Variants in ATP8B4 observed in about 807,000 individuals in gnomAD.
The protein encoded by ATP8B4 is probable phospholipid-transporting ATPase IM.
In ATP8B4, 133 loss-of-function variants were observed where a neutral mutation model predicts 145.6. The observed-to-expected ratio is 0.91, with a 90% CI of 0.79 to 1.05. The LOEUF is 1.05. Among genes scored for constraint, ATP8B4 ranks in the 50% least tolerant of loss-of-function variants. The probability of loss-of-function intolerance (pLI) is 0.00; values close to 1 mark genes in which losing one functional copy is unlikely to be tolerated. For synonymous variants in ATP8B4, 507 were observed against 492.9 expected (o/e 1.03, Z -0.38); for missense variants, 1,458 against 1,425.2 (o/e 1.02, Z -0.37).
intron 20 of ATP8B4, among the ~76,000 whole-genome samples, chr15:49,901,609 A>C (rs990817416): frequency 6.6e-6 from 1 of 152,188 alleles, no homozygotes; most frequent in African/African-American, 2.4e-5. Context: ...GCTGTTAAAT[A>C]ATGGAAAGCA....
At chr15:49,897,685 AAG>A (rs1000310276) in intron 22 of ATP8B4, among the ~76,000 whole-genome samples, 170 bp from the exon 23 acceptor site, 57 of 152,374 alleles carry the variant, frequency 3.7e-4, no homozygotes, top group African/African-American at 1.3e-3. Flanking sequence ...AGTTTTACAA[AAG>A]AGAAAATCAG....
Position 49,972,588 on chromosome 15 carries a change from T to G in ATP8B4, c.1237A>C (p.Ile413Leu). The change falls in exon 13 of 28, where the codon ATC becomes CTC. Residue 413 changes from isoleucine to leucine, a missense_variant. Ile to Leu is a conservative substitution (Grantham distance 5, BLOSUM62 2). Transcript: ENST00000284509. ...TFKRCSINGR[I>L]YGEVHDDLDQ... The stretch of plus-strand genomic sequence containing the variant: ...AAGGAACTGTTTCTCTTACCATAGA[T>G]TCTCCCATTAATGGAACATCTTTTA... 4 of 1,612,220 alleles carry G rather than the reference T, an allele frequency of 2.5e-6. No homozygotes were observed. Among genetic ancestry groups the G allele is most frequent in the Non-Finnish European group, 3.4e-6 (4 of 1,178,432 alleles).
intron 5 of ATP8B4, among the ~76,000 whole-genome samples, chr15:50,040,672 G>A (rs1488399795): frequency 6.6e-6 from 1 of 152,200 alleles, no homozygotes; most frequent in Non-Finnish European, 1.5e-5. Context: ...CAAAAGCTGA[G>A]CAGCTCACTC....
At chr15:49,955,651 G>A (rs2043494965) in intron 14 of ATP8B4, among the ~76,000 whole-genome samples, 2 of 152,044 alleles carry the variant, frequency 1.3e-5, no homozygotes, top group African/African-American at 4.8e-5. Context: ...AACAGATAAG[G>A]GAAATGTGAT....
At chr15:50,166,146 A>C (rs1016449626) in intron 1 of ATP8B4, among the ~76,000 whole-genome samples, 6 of 152,220 alleles carry the variant, frequency 3.9e-5, no homozygotes, top group Admixed American at 1.3e-4. Context: ...GTACCAAAGA[A>C]TAAAACCTAT....
intron 1 of ATP8B4, among the ~76,000 whole-genome samples, chr15:50,131,216 G>T (rs2057343732): frequency 6.6e-6 from 1 of 152,196 alleles, no homozygotes; most frequent in Non-Finnish European, 1.5e-5. Context: ...AATTAAAAAT[G>T]AGATTTGGAT....
chr15:49,934,234 A>C, intron 14 of ATP8B4, 52 bp from the exon 15 acceptor site: 2 of 1,534,380 alleles, frequency 1.3e-6, no homozygotes, highest in Admixed American at 2.2e-5. Context: ...TCCAATAATT[A>C]TCTTTTAAAA....
intron 1 of ATP8B4, among the ~76,000 whole-genome samples, chr15:50,110,806 G>T (rs892165587): frequency 2.0e-5 from 3 of 152,168 alleles, no homozygotes; most frequent in African/African-American, 7.2e-5. Flanking sequence ...TGAGAAAGTA[G>T]AGAGAGGAAT....
At chr15:49,892,751 A>G (rs1392119316) in intron 23 of ATP8B4, among the ~76,000 whole-genome samples, 1 of 152,224 alleles carries the variant, frequency 6.6e-6, no homozygotes, top group Non-Finnish European at 1.5e-5. Flanking sequence ...TCTAAAGCAC[A>G]ATTGATTGTA....
chr15:50,021,118 TGATAGATAGATA>T (rs113258750), intron 6 of ATP8B4, among the ~76,000 whole-genome samples: 1,768 of 146,862 alleles, frequency 0.012, 20 homozygotes, highest in South Asian at 0.027. Flanking sequence ...ATGGTGATTA[TGATAGATAGATA>T]GATAGATAGA....
intron 10 of ATP8B4, among the ~76,000 whole-genome samples, chr15:49,984,660 T>C (rs1268724156): frequency 6.6e-6 from 1 of 152,116 alleles, no homozygotes; most frequent in African/African-American, 2.4e-5. Flanking sequence ...AATCTCCTTC[T>C]TCCTTTTGAT....
intron 3 of ATP8B4, among the ~76,000 whole-genome samples, chr15:50,049,561 T>C (rs2052008330): frequency 6.6e-6 from 1 of 152,238 alleles, no homozygotes; most frequent in Non-Finnish European, 1.5e-5. Flanking sequence ...TTGATGGGCA[T>C]CTAGGTTGAC....
upstream of ATP8B4, among the ~76,000 whole-genome samples, chr15:50,120,589 C>T (rs766285068): frequency 1.3e-5 from 2 of 152,028 alleles, no homozygotes; most frequent in Non-Finnish European, 2.9e-5. Context: ...TATAGTAGTG[C>T]CTATCAAGTA....
intron 14 of ATP8B4, among the ~76,000 whole-genome samples, chr15:49,941,271 G>A (rs1252663827): frequency 2.0e-5 from 3 of 152,224 alleles, no homozygotes; most frequent in Non-Finnish European, 1.5e-5. Context: ...TCAAGAGGAG[G>A]TTCCTGGACT....
In ATP8B4 at chr15:49,950,616, A is replaced by AACAAC. The variant is rs780871564; in HGVS notation, c.1287+11360_1287+11361insGTTGT. Reference sequence around the variant, plus strand: ...AAAAAAAAAAAACAAACAAACAAACAAACAAAAAAAACAACAACAACAACA... The same window carrying AACAAC: ...AAAAAAAAAAAACAAACAAACAAACAACAACAACAAAAAAAACAACAACAACAACA... On this transcript the variant is annotated intron_variant, in intron 14 of 27. Coordinates refer to ENST00000284509, the MANE Select transcript of ATP8B4 (RefSeq NM_024837.4). 4.7e-3 allele frequency among the ~76,000 whole-genome samples: 474 copies of AACAAC among 99,984 alleles called. 7 individuals are homozygous for AACAAC. Among genetic ancestry groups the AACAAC allele is most frequent in the Non-Finnish European group, 6.4e-3 (358 of 56,000 alleles). The allele number at this position is 99,984 out of a possible 152,430, so 65.6% of individuals were successfully genotyped here.
At chr15:50,165,976 C>G (rs1315887975) in intron 1 of ATP8B4, among the ~76,000 whole-genome samples, 103 of 147,654 alleles carry the variant, frequency 7.0e-4, no homozygotes, top group East Asian at 1.4e-3. Flanking sequence ...AGAGAACACA[C>G]ACACACACAC....
intron 1 of ATP8B4, among the ~76,000 whole-genome samples, chr15:50,142,189 T>C (rs1010744187): frequency 6.6e-6 from 1 of 152,172 alleles, no homozygotes; most frequent in Non-Finnish European, 1.5e-5. Context: ...ACAGGAGCCA[T>C]GGGGCAGCTC....
intron 1 of ATP8B4, among the ~76,000 whole-genome samples, chr15:50,169,003 T>C (rs1369581727): frequency 6.6e-6 from 1 of 152,036 alleles, no homozygotes; most frequent in Non-Finnish European, 1.5e-5. Flanking sequence ...CTCACCCCCA[T>C]CCTCAACAGC....
chr15:50,046,549 T>C lies in ATP8B4; in HGVS notation c.201+802A>G, dbSNP rs373005225. ...ATTAAGATTTCTGTCACTTGAAACA[T>C]ATTCTTAAATAGATATTCAATTAAA... On this transcript the variant is annotated intron_variant, in intron 4 of 27. Transcript: ENST00000284509. Among the ~76,000 whole-genome samples the C allele has an allele frequency of 4.6e-5, 7 of 152,364 alleles. No homozygotes were observed. In the East Asian group the frequency reaches 9.6e-4, roughly 21 times the overall value.
Sources: gnomAD v4.1 joint callset for allele counts (sites outside exome capture counted in the v4.1 genomes callset) on GRCh38, gnomAD v4.1.1 for gene constraint, MANE v1.5 for transcripts, NCBI Gene and HGNC (gene_info 2026-07-23, HGNC 2026-07-21) for gene names.